The following AEN variants were observed in gnomAD, a reference collection of about 807,000 sequenced individuals.
The protein encoded by AEN is apoptosis enhancing nuclease.
Under a neutral mutation model 17.7 loss-of-function variants are expected in AEN, and 21 were observed. That is an observed-to-expected ratio of 1.19 (90% CI 0.84 to 1.71). The LOEUF (loss-of-function observed/expected upper bound fraction) is 1.71, where lower values mean the gene tolerates loss of function less well. Ranked by LOEUF, AEN falls within the 40% of genes most tolerant of loss-of-function variation. The pLI is 0.00. For synonymous variants in AEN, 190 were observed against 173.0 expected (o/e 1.10, Z -0.77); for missense variants, 462 against 435.9 (o/e 1.06, Z -0.53).
chr15:88,611,152 A>G, the AEN span, among the ~76,000 whole-genome samples: 1 of 152,168 alleles, frequency 6.6e-6, no homozygotes, highest in African/African-American at 2.4e-5. Context: ...AGGCTTCCAG[A>G]AGGGGGAGGC....
At chr15:88,620,631 A>G (rs2057775248), upstream of AEN, among the ~76,000 whole-genome samples, 1 of 150,226 alleles carries the variant, frequency 6.7e-6, no homozygotes, top group Non-Finnish European at 1.5e-5. Flanking sequence ...CTGGTCTCAA[A>G]CTCCTGACTT....
At chr15:88,610,666 C>A in the AEN span, among the ~76,000 whole-genome samples, 2 of 152,104 alleles carry the variant, frequency 1.3e-5, no homozygotes. Flanking sequence ...CAAGCCCCCA[C>A]CCCCATTCTG....
chr15:88,607,365 T>G, the AEN span, among the ~76,000 whole-genome samples: 2 of 152,376 alleles, frequency 1.3e-5, no homozygotes, highest in African/African-American at 4.8e-5. Context: ...AGCCTTGCCC[T>G]GCCTATGTCC....
chr15:88,629,557 C>G, intron 3 of AEN, 131 bp downstream of exon 3: 3 of 1,134,302 alleles, frequency 2.6e-6, no homozygotes, highest in Non-Finnish European at 3.7e-6. Flanking sequence ...GGTCCAGGGA[C>G]CTTGCTTAAA....
upstream of AEN, chr15:88,621,171 G>A (rs2141365402): frequency 6.6e-6 from 1 of 152,444 alleles, no homozygotes; most frequent in Non-Finnish European, 1.5e-5. Context: ...CTCGCAGCAC[G>A]AGTTACGCCC....
intron 3 of AEN, among the ~76,000 whole-genome samples, chr15:88,629,701 G>C (rs1198214178): frequency 6.6e-6 from 1 of 152,106 alleles, no homozygotes; most frequent in Non-Finnish European, 1.5e-5. Flanking sequence ...CCTAACTCTT[G>C]GTTCTTGCAT....
At chr15:88,620,594 G>GC (rs11424264), upstream of AEN, among the ~76,000 whole-genome samples, 141,241 of 151,762 alleles carry the variant, frequency 0.93, 65,865 homozygotes, top group African/African-American at 0.97. Context: ...TGTATTTTTG[G>GC]AGAGATGGGG....
At chr15:88,623,734 C>T (rs1423765489) in intron 1 of AEN, among the ~76,000 whole-genome samples, 1 of 152,236 alleles carries the variant, frequency 6.6e-6, no homozygotes. Flanking sequence ...GCCTCTGGGG[C>T]TCCCCCACTC....
chr15:88,630,979 T>G lies in AEN; in HGVS notation c.*685T>G. On this transcript the variant is annotated 3_prime_UTR_variant, in exon 4 of 4. Coordinates refer to ENST00000332810, the MANE Select transcript of AEN (RefSeq NM_022767.4). The surrounding 1 kb of genome is among the most constrained non-coding windows in gnomAD (Gnocchi z 5.1). ...GAGCCCACAGGCTTCTCGTGGGGAG[T>G]TGGCTCCTTAACATTTCTTGGCAAC... is the stretch of plus-strand genomic sequence containing the variant. 2.7e-6 allele frequency: 1 copy of G among 374,852 alleles called. No individual in the cohort carries two copies. The highest frequency in any genetic ancestry group is 5.5e-6 in the Non-Finnish European group (1 of 180,222). The allele number at this position is 374,852 out of a possible 1,614,324, so 23.2% of individuals were successfully genotyped here.
chr15:88,631,657 CT>C lies in AEN; in HGVS notation c.*1375del, dbSNP rs576578123. ...CTACTGTGAGTTTCTGTTTATCCCCCTTTTTTTTTTTTAAGCCCATTGTTTA... is the reference window on the plus strand; with the variant it reads ...CTACTGTGAGTTTCTGTTTATCCCCCTTTTTTTTTTTAAGCCCATTGTTTA... On this transcript the variant is annotated 3_prime_UTR_variant, in exon 4 of 4. Transcript: ENST00000332810. 3.2e-3 allele frequency: 473 copies of C among 146,144 alleles called. No individual in the cohort carries two copies. Among genetic ancestry groups the C allele is most frequent in the East Asian group, 0.021 (106 of 5,068 alleles). The allele number at this position is 146,144 out of a possible 1,614,324, so 9.1% of individuals were successfully genotyped here. A position where few individuals can be genotyped will look rare whatever the true frequency, so the allele number is the denominator to read the frequency against.
intron 1 of AEN, among the ~76,000 whole-genome samples, chr15:88,623,719 T>C (rs1044727756): frequency 2.0e-5 from 3 of 152,216 alleles, no homozygotes; most frequent in African/African-American, 2.4e-5. Context: ...GTGACCTCCA[T>C]AGGTGCCTCT....
Position 88,630,222 on chromosome 15 carries a change from C to T in AEN, c.906C>T (p.Asp302=). The change falls in exon 4 of 4, where the codon GAC becomes GAT. Residue 302 remains aspartate (D), a synonymous_variant. Transcript: ENST00000332810. The surrounding 1 kb of genome is among the most constrained non-coding windows in gnomAD (Gnocchi z 5.1). The part of the protein sequence containing the change: ...SSTDMEQYME[D]QYWPDDLAHG... ...CAGACATGGAACAGTACATGGAGGA[C>T]CAGTACTGGCCCGATGACCTGGCCC... 6.2e-7 allele frequency: 1 copy of T among 1,607,042 alleles called. No homozygotes were observed. The highest frequency in any genetic ancestry group is 8.5e-7 in the Non-Finnish European group (1 of 1,177,042).
At chr15:88,608,810 T>C in the AEN span, among the ~76,000 whole-genome samples, 1 of 152,276 alleles carries the variant, frequency 6.6e-6, no homozygotes, top group African/African-American at 2.4e-5. Context: ...ATGTAAGAGC[T>C]GACTCATCGC....
chr15:88,613,706 G>A, the AEN span, among the ~76,000 whole-genome samples: 1 of 152,170 alleles, frequency 6.6e-6, no homozygotes, highest in Non-Finnish European at 1.5e-5. Context: ...TGGCTCCACT[G>A]CTTACGAGCT....
At chr15:88,628,679 ACCT>A (rs1050076803) in intron 2 of AEN, 3 of 152,800 alleles carry the variant, frequency 2.0e-5, no homozygotes, top group African/African-American at 7.3e-5. Flanking sequence ...TTTATTGATC[ACCT>A]CCTGTGATAA....
the AEN span, among the ~76,000 whole-genome samples, chr15:88,614,756 A>C: frequency 6.6e-6 from 1 of 152,188 alleles, no homozygotes; most frequent in Non-Finnish European, 1.5e-5. Context: ...AGTCTCAGCG[A>C]CAAACTACTA....
At chr15:88,612,579 A>G in the AEN span, among the ~76,000 whole-genome samples, 1 of 78,082 alleles carries the variant, frequency 1.3e-5, no homozygotes, top group Non-Finnish European at 2.9e-5. Context: ...CCTTTTATTT[A>G]TTTATTTATT....
chr15:88,612,571 T>TTTTTTTTA, the AEN span, among the ~76,000 whole-genome samples: 3 of 140,454 alleles, frequency 2.1e-5, no homozygotes, highest in Non-Finnish European at 4.6e-5. Flanking sequence ...TTTCCCAGCC[T>TTTTTTTTA]TTTATTTATT....
At chr15:88,606,493 G>C in the AEN span, among the ~76,000 whole-genome samples, 1 of 152,094 alleles carries the variant, frequency 6.6e-6, no homozygotes, top group South Asian at 2.1e-4. Flanking sequence ...GATAGCGGAG[G>C]GAGAGGCGCT....
Sources: gnomAD v4.1 joint callset for allele counts (sites outside exome capture counted in the v4.1 genomes callset) on GRCh38, gnomAD v4.1.1 for gene constraint, Gnocchi (gnomAD v3.1) non-coding constraint, MANE v1.5 for transcripts, NCBI Gene and HGNC (gene_info 2026-07-23, HGNC 2026-07-21) for gene names.